The following IFITM10 variants were observed in gnomAD, a reference collection of about 807,000 sequenced individuals.
The protein encoded by IFITM10 is interferon-induced transmembrane protein 10.
IFITM10 carries 17 observed loss-of-function variants against 19.0 expected under a neutral mutation model. That is an observed-to-expected ratio of 0.90 (90% CI 0.61 to 1.34). IFITM10 has a LOEUF of 1.34. Among genes scored for constraint, IFITM10 ranks in the 40% most tolerant of loss-of-function variants. IFITM10 has a pLI of 0.00. For synonymous variants in IFITM10, 148 were observed against 147.2 expected (o/e 1.01, Z -0.04); for missense variants, 306 against 319.8 (o/e 0.96, Z 0.33).
intron 2 of IFITM10, chr11:1,744,373 A>G (rs544948781): frequency 6.6e-6 from 1 of 152,528 alleles, no homozygotes; most frequent in East Asian, 1.9e-4. Flanking sequence ...CATCGCTCAC[A>G]TCACATTTGC....
At chr11:1,750,233 G>A in intron 1 of IFITM10, 126 bp downstream of exon 1, 4 of 1,502,194 alleles carry the variant, frequency 2.7e-6, no homozygotes, top group Non-Finnish European at 3.6e-6. Flanking sequence ...GACGCCAGCT[G>A]ATCTTCCATC....
At position 1,747,702 on chromosome 11, in the gene IFITM10, A is replaced by G; in HGVS notation, c.502T>C (p.Cys168Arg). Reference protein sequence around the residue: ...IFNFVYLNFCCLGFIALAYSL... With the variant: ...IFNFVYLNFCRLGFIALAYSL... ...TAGGCCAAGGCGATGAAGCCCAGGC[A>G]GCAGAAGTTGAGGTAGACGAAGTTG... Residue 168 changes from cysteine (C) to arginine (R), a missense_variant, in exon 2 of 3, where the codon TGC becomes CGC. Transcript: ENST00000340134. 1 of 1,551,808 alleles carries G rather than the reference A, an allele frequency of 6.4e-7. No individual in the cohort carries two copies. The highest frequency in any genetic ancestry group is 8.7e-7 in the Non-Finnish European group (1 of 1,146,990).
chr11:1,743,910 G>A (rs1590897402), intron 2 of IFITM10, among the ~76,000 whole-genome samples: 1 of 151,968 alleles, frequency 6.6e-6, no homozygotes, highest in Non-Finnish European at 1.5e-5. Context: ...AGCCCCTCAC[G>A]AGGTTTTCAA....
intron 1 of IFITM10, among the ~76,000 whole-genome samples, chr11:1,749,793 G>A (rs571424708): frequency 6.6e-6 from 1 of 151,948 alleles, no homozygotes; most frequent in Admixed American, 6.5e-5. Flanking sequence ...CAGGCCTTCC[G>A]GTAAGTTTCA....
At chr11:1,738,942 T>C (rs1334112878) in intron 2 of IFITM10, among the ~76,000 whole-genome samples, 1 of 149,712 alleles carries the variant, frequency 6.7e-6, no homozygotes, top group Non-Finnish European at 1.5e-5. Flanking sequence ...TAATTCCAGC[T>C]ACTTGGGAGG....
rs1404661386 is a variant in IFITM10 at position 1,750,467 on chromosome 11, T to G, written c.-25A>C. On this transcript the variant is annotated 5_prime_UTR_variant, in exon 1 of 3. An upstream start codon of the reference 5' UTR is lost. Transcript: ENST00000340134. ...TCTCTCTCCAAGCCCCATCCTCCCATGAAACTCCTTTCTCCTCTGCCACTC... is the reference window on the plus strand; with the variant it reads ...TCTCTCTCCAAGCCCCATCCTCCCAGGAAACTCCTTTCTCCTCTGCCACTC... 6.5e-7 allele frequency: 1 copy of G among 1,550,306 alleles called. No individual in the cohort carries two copies. Among genetic ancestry groups the G allele is most frequent in the African/African-American group, 1.4e-5 (1 of 73,094 alleles).
At position 1,733,507 on chromosome 11, in the gene IFITM10, C is replaced by G. The variant is rs543250377; in HGVS notation, c.*1773G>C. 84 of 152,550 alleles carry G rather than the reference C, an allele frequency of 5.5e-4. No individual in the cohort carries two copies. The highest frequency in any genetic ancestry group is 1.1e-3 in the Non-Finnish European group (78 of 68,258). The allele number at this position is 152,550 out of a possible 1,614,324, so 9.4% of individuals were successfully genotyped here. On this transcript the variant is annotated 3_prime_UTR_variant, in exon 3 of 3. Transcript: ENST00000340134. The surrounding 1 kb of genome is among the most constrained non-coding windows in gnomAD (Gnocchi z 6.3). ...TCCTCTGCAGGTTTCTGGGTCAGGA[C>G]TGTGACCAGAATCTTGCTCGCTGCA...
intron 1 of IFITM10, chr11:1,748,734 G>A (rs1311317940): frequency 6.6e-6 from 1 of 152,288 alleles, no homozygotes; most frequent in Non-Finnish European, 1.5e-5. Context: ...ACCGGCACAG[G>A]TGCGGGGTCT....
intron 1 of IFITM10, among the ~76,000 whole-genome samples, chr11:1,749,975 G>A (rs963853269): frequency 2.6e-5 from 4 of 152,040 alleles, no homozygotes; most frequent in Non-Finnish European, 5.9e-5. Context: ...CCATCTGCTC[G>A]CAGGGCAAAG....
intron 2 of IFITM10, among the ~76,000 whole-genome samples, chr11:1,744,043 C>T (rs962055572): frequency 6.6e-6 from 1 of 152,212 alleles, no homozygotes; most frequent in Non-Finnish European, 1.5e-5. Context: ...GCCATTTTCC[C>T]CGCCTGAAAC....
In IFITM10 at chr11:1,748,005, C is replaced by A; in HGVS notation, c.199G>T (p.Ala67Ser). 7.0e-7 allele frequency: 1 copy of A among 1,438,044 alleles called. No homozygotes were observed. Among genetic ancestry groups the A allele is most frequent in the Non-Finnish European group, 9.1e-7 (1 of 1,098,136 alleles). The allele number at this position is 1,438,044 out of a possible 1,614,324, so 89.1% of individuals were successfully genotyped here. A position where few individuals can be genotyped will look rare whatever the true frequency, so the allele number is the denominator to read the frequency against. Residue 67 changes from alanine (A) to serine (S), a missense_variant, in exon 2 of 3, where the codon GCA becomes TCA. Physicochemically the swap from Ala to Ser is moderately conservative, Grantham distance 99. Coordinates refer to ENST00000340134, the MANE Select transcript of IFITM10 (RefSeq NM_001170820.4). ...DGAFWIPRPP[A>S]GSPKGCFACV... Reference sequence around the variant, plus strand: ...GCGAAGCAGCCCTTGGGCGAACCTGCCGGGGGCCTCGGAATCCAGAAGGCC... The same window carrying A: ...GCGAAGCAGCCCTTGGGCGAACCTGACGGGGGCCTCGGAATCCAGAAGGCC...
intron 2 of IFITM10, among the ~76,000 whole-genome samples, chr11:1,742,011 G>C (rs1175118023): frequency 6.6e-6 from 1 of 152,192 alleles, no homozygotes; most frequent in Admixed American, 6.5e-5. Flanking sequence ...CGAGCCTCCG[G>C]AACAGTGAGA....
chr11:1,735,119 A>T lies in IFITM10; in HGVS notation c.*161T>A. 1 of 681,436 alleles carries T rather than the reference A, an allele frequency of 1.5e-6. No homozygotes were observed. Among genetic ancestry groups the T allele is most frequent in the Non-Finnish European group, 2.4e-6 (1 of 410,050 alleles). 42.2% of individuals were successfully genotyped at this position (681,436 alleles called of 1,614,324 possible). On this transcript the variant is annotated 3_prime_UTR_variant, in exon 3 of 3. Coordinates refer to ENST00000340134, the MANE Select transcript of IFITM10 (RefSeq NM_001170820.4). The stretch of plus-strand genomic sequence containing the variant: ...GCCAAGCTCACTGCCCCCTTGCTGT[A>T]CTCAGCTTCTGATGGCCTTGCTGCC...
At chr11:1,737,398 CAT>C (rs1851098800) in intron 2 of IFITM10, among the ~76,000 whole-genome samples, 1 of 152,168 alleles carries the variant, frequency 6.6e-6, no homozygotes, top group African/African-American at 2.4e-5. Flanking sequence ...GACAGCACAG[CAT>C]AGAGGTTAAA....
intron 2 of IFITM10, among the ~76,000 whole-genome samples, chr11:1,737,686 C>T (rs928634272): frequency 2.6e-5 from 4 of 152,218 alleles, no homozygotes; most frequent in Non-Finnish European, 4.4e-5. Flanking sequence ...GGACAAGCAG[C>T]TGAGTCTCAT....
At chr11:1,742,990 T>TACGGATGG (rs1554961300) in intron 2 of IFITM10, among the ~76,000 whole-genome samples, 2 of 131,174 alleles carry the variant, frequency 1.5e-5, no homozygotes, top group African/African-American at 5.6e-5. Flanking sequence ...TGGATGGACA[T>TACGGATGG]ATGGATGGAT....
In IFITM10 at chr11:1,735,269, C is replaced by T. The variant is rs752034757; in HGVS notation, c.*11G>A. ...GTGCTTGTCTCCGCCAGCAGCCGTG[C>T]CTGGCGGGCCTTAGTAGTCGGTGAG... On this transcript the variant is annotated 3_prime_UTR_variant, in exon 3 of 3. Transcript: ENST00000340134. 1.4e-5 allele frequency: 22 copies of T among 1,550,910 alleles called. No homozygotes were observed. The African/African-American group carries it at 3.0e-4, about 21-fold the overall frequency.
intron 2 of IFITM10, among the ~76,000 whole-genome samples, chr11:1,742,978 G>GACAT (rs1179783701): frequency 7.2e-6 from 1 of 139,512 alleles, no homozygotes; most frequent in Non-Finnish European, 1.5e-5. Context: ...AGGATGGATG[G>GACAT]ATGGATGGAC....
Position 1,734,515 on chromosome 11 carries a change from T to G in IFITM10, c.*765A>C, listed in dbSNP as rs994161704. ...CTTCCGAGTGAATTTGTGGTTTCCT[T>G]TGCTCTGATTTGGCCAATGCAGGCA... is the stretch of plus-strand genomic sequence containing the variant. On this transcript the variant is annotated 3_prime_UTR_variant, in exon 3 of 3. Transcript: ENST00000340134. 1 of 152,672 alleles carries G rather than the reference T, an allele frequency of 6.5e-6. No homozygotes were observed. Among genetic ancestry groups the G allele is most frequent in the African/African-American group, 2.4e-5 (1 of 41,456 alleles). The allele number at this position is 152,672 out of a possible 1,614,324, so 9.5% of individuals were successfully genotyped here. A position where few individuals can be genotyped will look rare whatever the true frequency, so the allele number is the denominator to read the frequency against.
Sources: allele counts gnomAD v4.1 joint callset (sites outside exome capture counted in the v4.1 genomes callset), GRCh38; gene constraint gnomAD v4.1.1; non-coding constraint Gnocchi (gnomAD v3.1); transcripts MANE v1.5; gene names NCBI Gene and HGNC (gene_info 2026-07-23, HGNC 2026-07-21).